Variants in TBRG4 observed in about 807,000 individuals in gnomAD.
TBRG4 encodes FAST kinase domain-containing protein 4.
In TBRG4, 43 loss-of-function variants were observed where a neutral mutation model predicts 65.6. The ratio of observed to expected loss-of-function variants is 0.66; its 90% CI spans 0.51 to 0.85. TBRG4 has a LOEUF of 0.85. Among genes scored for constraint, TBRG4 ranks in the 40% least tolerant of loss-of-function variants. The pLI, the probability that TBRG4 is intolerant of heterozygous loss-of-function variation, is 0.00. For missense variants in TBRG4, 709 were observed against 787.9 expected (o/e 0.90, Z 1.20); for synonymous variants, 366 against 341.4 (o/e 1.07, Z -0.79).
At chr7:45,103,221 T>G in intron 6 of TBRG4, 112 bp downstream of exon 6, 2 of 776,796 alleles carry the variant, frequency 2.6e-6, no homozygotes, top group South Asian at 1.6e-5. Context: ...ATGCCACACA[T>G]AGTGGCCCCT....
chr7:45,104,001 C>T lies in TBRG4; in HGVS notation c.1065+98G>A, dbSNP rs1376225905. The T allele has an allele frequency of 4.9e-6, 7 of 1,421,296 alleles. No individual in the cohort carries two copies. The Admixed American group carries it at 2.0e-4, about 40-fold the overall frequency. 88.0% of individuals were successfully genotyped at this position (1,421,296 alleles called of 1,614,324 possible). A position where few individuals can be genotyped will look rare whatever the true frequency, so the allele number is the denominator to read the frequency against. ...ATATGTATTTGCCCCCACAAGTGAG[C>T]ATTTTCAGACTGGCTTTACTTTCCC... On this transcript the variant is annotated intron_variant, in intron 5 of 10. Transcript: ENST00000258770.
rs750708710 is a variant in TBRG4 at position 45,109,264 on chromosome 7, A to G, written c.-27T>C. On this transcript the variant is annotated 5_prime_UTR_variant, in exon 2 of 11. Transcript: ENST00000258770. ...ATGTCCTGGGTGGCAGAGAGACAAGACTCCTAGCAAGTGATTCCAAACCCT... is the reference window on the plus strand; with the variant it reads ...ATGTCCTGGGTGGCAGAGAGACAAGGCTCCTAGCAAGTGATTCCAAACCCT... 3 of 1,541,652 alleles carry G rather than the reference A, an allele frequency of 1.9e-6. No homozygotes were observed. The African/African-American group carries it at 4.1e-5, about 21-fold the overall frequency.
chr7:45,103,209 C>T, intron 6 of TBRG4, 124 bp downstream of exon 6: 1 of 743,326 alleles, frequency 1.3e-6, no homozygotes, highest in South Asian at 1.6e-5. Flanking sequence ...CCCTGCCCTC[C>T]CATGCCACAC....
At chr7:45,102,119 G>T in intron 7 of TBRG4, 49 bp from the exon 8 acceptor site, 1 of 1,548,242 alleles carries the variant, frequency 6.5e-7, no homozygotes. Flanking sequence ...GGCCAGAGAT[G>T]GGGAGACCCT....
chr7:45,100,536 GC>G, intron 10 of TBRG4, 110 bp from the exon 11 acceptor site: 1 of 808,534 alleles, frequency 1.2e-6, no homozygotes, highest in South Asian at 1.6e-5. Flanking sequence ...CAACACCTCT[GC>G]TGACCAACAG....
intron 10 of TBRG4, among the ~76,000 whole-genome samples, chr7:45,100,665 G>A (rs796314887): frequency 1.8e-4 from 27 of 152,294 alleles, no homozygotes; most frequent in African/African-American, 6.3e-4. Flanking sequence ...CAAACTACTC[G>A]GAGGCCCAAG....
Position 45,101,819 on chromosome 7 carries a change from C to G in TBRG4, c.1567+6G>C. The stretch of plus-strand genomic sequence containing the variant: ...AGGCCCTGTGCCAACCAGGGGGAGC[C>G]CTCACCCAGCACCCAGCCATACTGC... On this transcript the variant is annotated splice_donor_region_variant and intron_variant, in intron 8 of 10. Transcript: ENST00000258770. 6.2e-7 allele frequency: 1 copy of G among 1,604,140 alleles called. No individual in the cohort carries two copies. Among genetic ancestry groups the G allele is most frequent in the Non-Finnish European group, 8.5e-7 (1 of 1,179,708 alleles).
intron 5 of TBRG4, 41 bp downstream of exon 5, chr7:45,104,058 G>C (rs924991098): frequency 1.3e-6 from 2 of 1,536,526 alleles, no homozygotes; most frequent in Admixed American, 4.3e-5. Flanking sequence ...CAGATGGCCA[G>C]GAAGCCAGCT....
chr7:45,100,726 G>A (rs1262189838), intron 10 of TBRG4, among the ~76,000 whole-genome samples: 3 of 152,218 alleles, frequency 2.0e-5, no homozygotes, highest in Non-Finnish European at 4.4e-5. Context: ...ACCCAAAGAA[G>A]CAAACAGAAC....
In TBRG4 at chr7:45,101,795, GGCCCTGTGCCAACCAGGGGGA is replaced by G; in HGVS notation, c.1567+9_1567+29del. On this transcript the variant is annotated intron_variant, in intron 8 of 10. Transcript: ENST00000258770. The stretch of plus-strand genomic sequence containing the variant: ...GTCCCGTTAGACTCAGGCAATGCCA[GGCCCTGTGCCAACCAGGGGGA>G]GCCCTCACCCAGCACCCAGCCATAC... The G allele has an allele frequency of 6.2e-7, 1 of 1,601,270 alleles. No individual in the cohort carries two copies. The highest frequency in any genetic ancestry group is 8.5e-7 in the Non-Finnish European group (1 of 1,179,692).
In TBRG4 at chr7:45,105,645, C is replaced by T; in HGVS notation, c.531G>A (p.Arg177=). The change falls in exon 3 of 11, where the codon CGG becomes CGA. Residue 177 remains arginine, a synonymous_variant. Coordinates refer to ENST00000258770, the MANE Select transcript of TBRG4 (RefSeq NM_004749.4). ...SVEQEVRWRM[R]KLKYKHLAFL... The stretch of plus-strand genomic sequence containing the variant: ...AGGCCAGGTGCTTGTACTTGAGCTT[C>T]CGCATGCGCCAGCGGACCTCCTGCT... 6.2e-7 allele frequency: 1 copy of T among 1,614,122 alleles called. No individual in the cohort carries two copies. Among genetic ancestry groups the T allele is most frequent in the South Asian group, 1.1e-5 (1 of 91,088 alleles).
At position 45,104,257 on chromosome 7, in the gene TBRG4, C is replaced by T. The variant is rs775082124; in HGVS notation, c.908-1G>A. ...TGGGTCTGGTGAAAGCTGAGTTTGC[C>T]TTCAGGACAGAGCAGATCACAGGGT... is the stretch of plus-strand genomic sequence containing the variant. On this transcript the variant is annotated splice_acceptor_variant, in intron 4 of 10. Coordinates refer to ENST00000258770, the MANE Select transcript of TBRG4 (RefSeq NM_004749.4). LOFTEE classifies it high-confidence loss of function. 6.2e-7 allele frequency: 1 copy of T among 1,613,664 alleles called. No individual in the cohort carries two copies. Among genetic ancestry groups the T allele is most frequent in the Non-Finnish European group, 8.5e-7 (1 of 1,179,816 alleles).
chr7:45,101,132 G>C, intron 10 of TBRG4, 126 bp downstream of exon 10: 2 of 840,968 alleles, frequency 2.4e-6, no homozygotes, highest in Non-Finnish European at 3.6e-6. Flanking sequence ...TGGGCTCCTG[G>C]GAGAGGCCCG....
chr7:45,102,707 C>A (rs1272177758), intron 6 of TBRG4: 3 of 606,034 alleles, frequency 5.0e-6, no homozygotes, highest in Admixed American at 3.2e-5. Context: ...CCCAAGACCA[C>A]TCTGAACAGC....
At position 45,102,024 on chromosome 7, in the gene TBRG4, G is replaced by C; in HGVS notation, c.1368C>G (p.His456Gln). 1.3e-6 allele frequency: 2 copies of C among 1,565,912 alleles called. No individual in the cohort carries two copies. Among genetic ancestry groups the C allele is most frequent in the Non-Finnish European group, 1.7e-6 (2 of 1,161,108 alleles). ...ACTCCAGCAGGGCAGTGGCGTTGAT[G>C]TGGAGCAGCTTCTGGAAGGTGTTCT... ...KDQNTFQKLL[H>Q]INATALLEYP... The change falls in exon 8 of 11, where the codon CAC becomes CAG. Residue 456 changes from histidine (H) to glutamine (Q), a missense_variant. Transcript: ENST00000258770.
intron 2 of TBRG4, 132 bp from the exon 3 acceptor site, chr7:45,105,896 C>CA: frequency 8.7e-7 from 1 of 1,144,460 alleles, no homozygotes; most frequent in South Asian, 1.3e-5. Flanking sequence ...ATCAGTTCCC[C>CA]ACTCCATTGT....
chr7:45,103,491 G>GGACCGCC, intron 5 of TBRG4, 48 bp from the exon 6 acceptor site: 1 of 1,480,992 alleles, frequency 6.8e-7, no homozygotes, highest in Non-Finnish European at 9.3e-7. Flanking sequence ...TCTCTGCCCA[G>GGACCGCC]CACGCTGTCC....
intron 10 of TBRG4, among the ~76,000 whole-genome samples, chr7:45,100,980 T>C (rs904595036): frequency 6.6e-6 from 1 of 152,218 alleles, no homozygotes; most frequent in Admixed American, 6.5e-5. Context: ...AAGCTGCTCA[T>C]CTGTGAATGG....
Position 45,108,894 on chromosome 7 carries a change from G to A in TBRG4, c.344C>T (p.Pro115Leu), listed in dbSNP as rs1482565504. 20 of 1,586,378 alleles carry A rather than the reference G, an allele frequency of 1.3e-5. No individual in the cohort carries two copies. The highest frequency in any genetic ancestry group is 1.5e-5 in the Non-Finnish European group (18 of 1,169,446). Residue 115 changes from proline (P) to leucine (L), a missense_variant, in exon 2 of 11, where the codon CCA becomes CTA. Pro to Leu is a moderately conservative substitution (Grantham distance 98). Transcript: ENST00000258770. The part of the protein sequence containing the change: ...IRLSHLLSEK[P>L]EDKGLLIQDA... ...CTGTATGAGCAAGCCTTTATCTTCT[G>A]GCTTCTCAGACAGCAAGTGAGAGAG...
Sources: allele counts gnomAD v4.1 joint callset (sites outside exome capture counted in the v4.1 genomes callset), GRCh38; gene constraint gnomAD v4.1.1; transcripts MANE v1.5; gene names NCBI Gene and HGNC (gene_info 2026-07-23, HGNC 2026-07-21).